The following NRXN3 variants were observed in gnomAD, a reference collection of about 807,000 sequenced individuals.
The protein encoded by NRXN3 is neurexin III.
NRXN3 carries 32 observed loss-of-function variants against 137.6 expected under a neutral mutation model. The observed-to-expected ratio is 0.23, with a 90% confidence interval of 0.18 to 0.31. NRXN3 has a LOEUF of 0.31. NRXN3 is among the 10% of genes least tolerant of loss of function. NRXN3 has a pLI of 1.00. For synonymous variants in NRXN3, 798 were observed against 784.5 expected, an observed-to-expected ratio of 1.02 and a Z score of -0.29; for missense variants, 1,574 against 2,062.5, an observed-to-expected ratio of 0.76 and a Z score of 4.59.
chr14:79,237,779 G>A (rs78115044), intron 15 of NRXN3, among the ~76,000 whole-genome samples: 4,126 of 152,146 alleles, frequency 0.027, 82 homozygotes, highest in Non-Finnish European at 0.042. Flanking sequence ...TTGAATTAAG[G>A]ACACTAAGAT....
chr14:78,818,012 G>A (rs1465466964), intron 10 of NRXN3, among the ~76,000 whole-genome samples: 6 of 151,986 alleles, frequency 3.9e-5, no homozygotes, highest in Non-Finnish European at 7.4e-5. Flanking sequence ...CTTAAAATAG[G>A]CAAATACCCA....
chr14:78,466,816 G>A (rs901113239), intron 4 of NRXN3, among the ~76,000 whole-genome samples: 18 of 152,050 alleles, frequency 1.2e-4, no homozygotes, highest in East Asian at 3.9e-4. Flanking sequence ...TCAACTTTAC[G>A]GTGTGAACAT....
intron 4 of NRXN3, among the ~76,000 whole-genome samples, chr14:78,557,418 T>C (rs1165034167): frequency 2.0e-5 from 3 of 152,116 alleles, no homozygotes; most frequent in Non-Finnish European, 4.4e-5. Flanking sequence ...GGCAGTGTCA[T>C]ACAATGGAAG....
intron 4 of NRXN3, among the ~76,000 whole-genome samples, chr14:78,518,669 T>G (rs2096245800): frequency 6.6e-6 from 1 of 152,146 alleles, no homozygotes; most frequent in South Asian, 2.1e-4. Context: ...AGGCAAGAAT[T>G]CAATCAAAAG....
At chr14:79,753,320 C>G (rs138780553) in intron 19 of NRXN3, among the ~76,000 whole-genome samples, 1,821 of 151,836 alleles carry the variant, frequency 0.012, 15 homozygotes, top group Middle Eastern at 0.024. Context: ...GGAACTAACC[C>G]AAATGTCCAA....
At chr14:79,827,508 C>T (rs898908863) in intron 20 of NRXN3, among the ~76,000 whole-genome samples, 16 of 151,986 alleles carry the variant, frequency 1.1e-4, no homozygotes, top group African/African-American at 3.6e-4. Flanking sequence ...AAGAAATACC[C>T]GAGACTGGGT....
At chr14:79,851,791 G>A (rs928531301) in intron 20 of NRXN3, among the ~76,000 whole-genome samples, 12 of 152,118 alleles carry the variant, frequency 7.9e-5, no homozygotes, top group Non-Finnish European at 1.5e-4. Context: ...TTCTTCTACA[G>A]TATCTTCCTC....
chr14:79,735,851 A>G (rs1366903306), intron 19 of NRXN3, among the ~76,000 whole-genome samples: 1 of 152,176 alleles, frequency 6.6e-6, no homozygotes, highest in African/African-American at 2.4e-5. Flanking sequence ...GCCCCAGTTC[A>G]AGCTTCCTTC....
chr14:78,907,691 G>A (rs1375520221), intron 10 of NRXN3, among the ~76,000 whole-genome samples: 2 of 151,904 alleles, frequency 1.3e-5, no homozygotes, highest in East Asian at 3.9e-4. Context: ...TTGTTATGTA[G>A]GTAAACTTGT....
chr14:79,334,570 CT>C (rs1294860831), intron 15 of NRXN3, among the ~76,000 whole-genome samples: 2 of 152,116 alleles, frequency 1.3e-5, no homozygotes, highest in African/African-American at 4.8e-5. Flanking sequence ...TGTGTATGGC[CT>C]TGTAGGTGAA....
At chr14:79,803,935 A>ATG (rs1264434910) in intron 19 of NRXN3, among the ~76,000 whole-genome samples, 2 of 135,088 alleles carry the variant, frequency 1.5e-5, no homozygotes, top group African/African-American at 5.6e-5. Context: ...ATGTGTGTGT[A>ATG]TATATATATG....
At chr14:79,088,088 T>A (rs2048471122) in intron 15 of NRXN3, among the ~76,000 whole-genome samples, 1 of 149,956 alleles carries the variant, frequency 6.7e-6, no homozygotes, top group Non-Finnish European at 1.5e-5. Context: ...CTTTGCTACA[T>A]GGAGGGCAAT....
Position 79,686,782 on chromosome 14 carries a change from T to C in NRXN3, c.3617-5391T>C, listed in dbSNP as rs186675864. ...ATCAACTAGCACAGCCTAGAGTTGG[T>C]AAACCCATACTACAACTTTAATTTA... On this transcript the variant is annotated intron_variant, in intron 17 of 20. Coordinates refer to ENST00000335750, the MANE Select transcript of NRXN3 (RefSeq NM_001330195.2). Among the ~76,000 whole-genome samples the C allele has an allele frequency of 3.4e-4, 52 of 152,258 alleles. 1 individual carries two copies. The East Asian group carries it at 0.01, about 30-fold the overall frequency.
At chr14:78,372,900 C>T (rs1171116125) in intron 4 of NRXN3, among the ~76,000 whole-genome samples, 3 of 152,082 alleles carry the variant, frequency 2.0e-5, no homozygotes, top group Non-Finnish European at 4.4e-5. Context: ...TGTATCATAA[C>T]ACGGTAGACA....
chr14:79,155,221 C>T (rs190493022), intron 15 of NRXN3, among the ~76,000 whole-genome samples: 1 of 151,820 alleles, frequency 6.6e-6, no homozygotes, highest in Non-Finnish European at 1.5e-5. Flanking sequence ...ATGAAAGGAC[C>T]AATCACAAGA....
At chr14:78,196,495 G>A (rs1045476602) in intron 1 of NRXN3, among the ~76,000 whole-genome samples, 2 of 152,226 alleles carry the variant, frequency 1.3e-5, no homozygotes, top group Non-Finnish European at 2.9e-5. Flanking sequence ...ACCAGCTGCG[G>A]TCTCTGCGCC....
intron 10 of NRXN3, among the ~76,000 whole-genome samples, chr14:78,941,639 A>G (rs148338408): frequency 7.7e-4 from 117 of 152,338 alleles, no homozygotes; most frequent in Middle Eastern, 3.4e-3. Flanking sequence ...TTGGCTTTGC[A>G]TCTACTTAGT....
chr14:78,350,815 T>C (rs2083382397), intron 4 of NRXN3, among the ~76,000 whole-genome samples: 2 of 152,086 alleles, frequency 1.3e-5, no homozygotes, highest in South Asian at 4.1e-4. Flanking sequence ...AGAGTTTCTA[T>C]ACAATGTGAG....
At chr14:79,214,326 T>C (rs1034039292) in intron 15 of NRXN3, among the ~76,000 whole-genome samples, 6 of 152,180 alleles carry the variant, frequency 3.9e-5, no homozygotes, top group Non-Finnish European at 5.9e-5. Flanking sequence ...AGGCCAAACA[T>C]TGAAGGAAGT....
Sources: gnomAD v4.1 joint callset for allele counts (sites outside exome capture counted in the v4.1 genomes callset) on GRCh38, gnomAD v4.1.1 for gene constraint, MANE v1.5 for transcripts, NCBI Gene and HGNC (gene_info 2026-07-23, HGNC 2026-07-21) for gene names.